NREP: variants seen among roughly 807,000 people sequenced by gnomAD.
NREP encodes neuronal regeneration related protein.
NREP carries 5 observed loss-of-function variants against 8.6 expected under a neutral mutation model. The observed-to-expected ratio is 0.58, with a 90% CI of 0.30 to 1.22. The LOEUF (loss-of-function observed/expected upper bound fraction) is 1.22. Ranked by LOEUF, NREP falls within the 50% of genes most tolerant of loss-of-function variation. The pLI, the probability that NREP is intolerant of heterozygous loss-of-function variation, is 0.07. For synonymous variants in NREP, 27 were observed against 28.0 expected (o/e 0.96, Z 0.11); for missense variants, 86 against 82.5 (o/e 1.04, Z -0.17).
Position 111,874,490 on chromosome 5 carries a change from T to C in NREP, c.135+100784A>G, listed in dbSNP as rs147466531. ...TTGTGCATTTCATGGTAGGCCCAAG[T>C]GAGGGTAACCCTGTCTATGAAAAAA... On this transcript the variant is annotated intron_variant, in intron 2 of 3. Transcript: ENST00000395634. 1.1e-3 allele frequency among the ~76,000 whole-genome samples: 166 copies of C among 152,284 alleles called. 1 individual carries two copies. Among genetic ancestry groups the C allele is most frequent in the African/African-American group, 3.8e-3 (158 of 41,574 alleles).
intron 2 of NREP, among the ~76,000 whole-genome samples, chr5:111,751,165 T>C (rs1750336885): frequency 1.3e-5 from 2 of 152,224 alleles, no homozygotes; most frequent in Non-Finnish European, 2.9e-5. Flanking sequence ...TACCAAGCAC[T>C]ATATGAAGTT....
intron 2 of NREP, among the ~76,000 whole-genome samples, chr5:111,927,201 G>A (rs902574192): frequency 7.9e-5 from 12 of 152,058 alleles, no homozygotes; most frequent in African/African-American, 2.9e-4. Flanking sequence ...GCGCCACTGA[G>A]GCCTGACTAG....
chr5:111,763,966 T>C (rs1007847000), intron 2 of NREP, among the ~76,000 whole-genome samples: 4 of 152,192 alleles, frequency 2.6e-5, no homozygotes, highest in African/African-American at 9.7e-5. Flanking sequence ...ATAGACAAGG[T>C]AGTGCTTGTC....
intron 2 of NREP, among the ~76,000 whole-genome samples, chr5:111,903,133 G>C (rs1394907201): frequency 6.9e-6 from 1 of 144,618 alleles, no homozygotes; most frequent in Non-Finnish European, 1.5e-5. Context: ...ACCCAGGCTG[G>C]TGTTCAGTGG....
At chr5:111,832,826 G>A (rs913166306) in intron 2 of NREP, among the ~76,000 whole-genome samples, 1 of 152,154 alleles carries the variant, frequency 6.6e-6, no homozygotes, top group African/African-American at 2.4e-5. Context: ...TCCATGGTAG[G>A]ACAAATGCCA....
chr5:111,920,236 T>C (rs995513739), intron 2 of NREP, among the ~76,000 whole-genome samples: 5 of 152,148 alleles, frequency 3.3e-5, no homozygotes, highest in African/African-American at 9.7e-5. Flanking sequence ...CATCAGGAAA[T>C]TGTGTCTCCC....
At chr5:111,950,521 G>A (rs1431752940) in intron 2 of NREP, among the ~76,000 whole-genome samples, 4 of 152,024 alleles carry the variant, frequency 2.6e-5, no homozygotes, top group Non-Finnish European at 5.9e-5. Context: ...CAAAAGCAAT[G>A]GCAACAAAGG....
intron 2 of NREP, among the ~76,000 whole-genome samples, chr5:111,824,312 TG>T (rs1581143463): frequency 6.6e-6 from 1 of 152,160 alleles, no homozygotes; most frequent in Admixed American, 6.5e-5. Flanking sequence ...GAGCTTCCAG[TG>T]AGCAGAAATC....
intron 2 of NREP, among the ~76,000 whole-genome samples, chr5:111,923,964 T>C (rs1215574633): frequency 6.6e-6 from 1 of 152,162 alleles, no homozygotes; most frequent in Non-Finnish European, 1.5e-5. Context: ...CCTTTATTAA[T>C]TGGTATAAGG....
rs1462206784 is a variant in NREP at position 111,809,313 on chromosome 5, A to G, written c.136-73806T>C. ...AACCCTAAAAATGCCTGCTCCATCC[A>G]TAGTTCCCTTCTCTGCAGTTTTGAC... On this transcript the variant is annotated intron_variant, in intron 2 of 3. Coordinates refer to the NREP transcript ENST00000395634. Among the ~76,000 whole-genome samples the G allele has an allele frequency of 2.0e-5, 3 of 152,246 alleles. No individual in the cohort carries two copies. The South Asian group carries it at 6.2e-4, about 31-fold the overall frequency.
At chr5:111,852,332 T>A (rs1753331223) in intron 2 of NREP, among the ~76,000 whole-genome samples, 1 of 152,122 alleles carries the variant, frequency 6.6e-6, no homozygotes, top group African/African-American at 2.4e-5. Context: ...GGCCTCAGAA[T>A]TTATCAGTAT....
At chr5:111,735,549 G>C in intron 2 of NREP, 42 bp from the exon 3 acceptor site, 1 of 1,426,006 alleles carries the variant, frequency 7.0e-7, no homozygotes, top group Non-Finnish European at 9.9e-7. Flanking sequence ...TTAAAAACAG[G>C]ATCCACTCTG....
chr5:111,784,646 C>T (rs539897984), intron 2 of NREP, among the ~76,000 whole-genome samples: 69 of 152,186 alleles, frequency 4.5e-4, no homozygotes, highest in African/African-American at 1.5e-3. Context: ...TATTTTTCTT[C>T]GGGACTTCTC....
chr5:111,933,982 T>G (rs1755613294), intron 2 of NREP, among the ~76,000 whole-genome samples: 1 of 152,082 alleles, frequency 6.6e-6, no homozygotes, highest in Non-Finnish European at 1.5e-5. Context: ...AAGCTTAGTT[T>G]AGGGGAAGAA....
intron 2 of NREP, among the ~76,000 whole-genome samples, chr5:111,918,170 A>G (rs187271274): frequency 8.5e-4 from 129 of 152,280 alleles, no homozygotes; most frequent in Admixed American, 4.0e-3. Flanking sequence ...GGACCTCTTC[A>G]AGGAGAACTA....
chr5:111,879,621 T>C (rs952101889), intron 2 of NREP, among the ~76,000 whole-genome samples: 4 of 152,202 alleles, frequency 2.6e-5, no homozygotes, highest in African/African-American at 9.7e-5. Flanking sequence ...AAATGAATCT[T>C]TGTTGGTGCT....
At chr5:111,881,711 C>T (rs887077721) in intron 2 of NREP, among the ~76,000 whole-genome samples, 19 of 152,130 alleles carry the variant, frequency 1.2e-4, no homozygotes, top group South Asian at 8.3e-4. Context: ...GCAGATACCC[C>T]GGCAAACAGG....
rs866835332 is a variant in NREP at position 111,756,325 on chromosome 5, G to C, written c.-58-495C>G. On this transcript the variant is annotated intron_variant, in intron 1 of 3. Coordinates refer to ENST00000257435, the MANE Select transcript of NREP (RefSeq NM_004772.4). ...AAAAAAAAAAAAACCCTACACGGCG[G>C]GGGGGGTGGGGGGAGTCAGGAATAT... 1.1e-3 allele frequency: 762 copies of C among 721,356 alleles called. 52 individuals carry two copies. The highest frequency in any genetic ancestry group is 5.0e-3 in the Middle Eastern group (7 of 1,402). 44.7% of individuals were successfully genotyped at this position (721,356 alleles called of 1,614,324 possible). A position where few individuals can be genotyped will look rare whatever the true frequency, so the allele number is the denominator to read the frequency against.
Position 111,960,183 on chromosome 5 carries a change from G to A in NREP, c.135+15091C>T, listed in dbSNP as rs545599474. 1.1e-3 allele frequency among the ~76,000 whole-genome samples: 172 copies of A among 151,832 alleles called. 1 individual carries two copies. Among genetic ancestry groups the A allele is most frequent in the African/African-American group, 3.1e-3 (130 of 41,426 alleles). ...ACTGGCTGTGAGATTTTTAACATTC[G>A]CACCTAGCAAAATTAAAAATCAGAG... is the stretch of plus-strand genomic sequence containing the variant. On this transcript the variant is annotated intron_variant, in intron 2 of 3. Coordinates refer to the NREP transcript ENST00000395634.
Sources: gnomAD v4.1 joint callset for allele counts (sites outside exome capture counted in the v4.1 genomes callset) on GRCh38, gnomAD v4.1.1 for gene constraint, MANE v1.5 for transcripts, NCBI Gene and HGNC (gene_info 2026-07-23, HGNC 2026-07-21) for gene names.